The following SLC9A4 variants were observed in gnomAD, a reference collection of about 807,000 sequenced individuals.
SLC9A4 encodes the protein solute carrier family 9 member A4.
Under a neutral mutation model 67.4 loss-of-function variants are expected in SLC9A4, and 63 were observed. The ratio of observed to expected loss-of-function variants is 0.93; its 90% CI spans 0.76 to 1.15. The LOEUF (loss-of-function observed/expected upper bound fraction) is 1.15, where lower values mean the gene tolerates loss of function less well. SLC9A4 is among the 50% of genes most tolerant of loss of function. The pLI, the probability that SLC9A4 is intolerant of heterozygous loss-of-function variation, is 0.00. For synonymous variants in SLC9A4, 393 were observed against 367.2 expected, an observed-to-expected ratio of 1.07 and a Z score of -0.80; for missense variants, 1,089 against 987.7, an observed-to-expected ratio of 1.10 and a Z score of -1.38.
chr2:102,515,127 G>A (rs1257053808), intron 8 of SLC9A4, among the ~76,000 whole-genome samples: 1 of 151,960 alleles, frequency 6.6e-6, no homozygotes, highest in Non-Finnish European at 1.5e-5. Flanking sequence ...TTTAGGATAA[G>A]GAACATGGGC....
intron 6 of SLC9A4, among the ~76,000 whole-genome samples, chr2:102,509,680 A>T (rs1253976749): frequency 6.6e-6 from 1 of 152,206 alleles, no homozygotes; most frequent in East Asian, 1.9e-4. Context: ...CAATATCTCC[A>T]TCATCTAGAG....
At chr2:102,493,214 A>G (rs1684739406) in intron 2 of SLC9A4, among the ~76,000 whole-genome samples, 1 of 152,002 alleles carries the variant, frequency 6.6e-6, no homozygotes, top group African/African-American at 2.4e-5. Context: ...AAATTGTTCC[A>G]AATTCTGCCT....
At chr2:102,476,109 C>G (rs1194332956) in intron 1 of SLC9A4, among the ~76,000 whole-genome samples, 1 of 152,148 alleles carries the variant, frequency 6.6e-6, no homozygotes, top group Non-Finnish European at 1.5e-5. Flanking sequence ...GACAGAAAAA[C>G]ATCAAAACTC....
At chr2:102,520,050 C>T (rs760970404) in intron 9 of SLC9A4, 95 bp downstream of exon 9, 37 of 981,072 alleles carry the variant, frequency 3.8e-5, no homozygotes, top group Non-Finnish European at 5.3e-5. Context: ...CTGATGTTCA[C>T]GTCACCCTCT....
chr2:102,524,296 G>A (rs76757630), intron 9 of SLC9A4, among the ~76,000 whole-genome samples: 4,357 of 152,236 alleles, frequency 0.029, 140 homozygotes, highest in African/African-American at 0.074. Flanking sequence ...AGCATTTGCT[G>A]GTGGACCTTT....
At chr2:102,521,269 C>G (rs1017091700) in intron 9 of SLC9A4, among the ~76,000 whole-genome samples, 1 of 152,178 alleles carries the variant, frequency 6.6e-6, no homozygotes, top group African/African-American at 2.4e-5. Flanking sequence ...AACTGCTCAT[C>G]CTTTCTTTTC....
chr2:102,512,981 G>C (rs1303002628), intron 7 of SLC9A4, among the ~76,000 whole-genome samples: 2 of 49,350 alleles, frequency 4.1e-5, no homozygotes, highest in Admixed American at 1.8e-4. Flanking sequence ...GGAGGGCGCA[G>C]AGGGGAGGAC....
chr2:102,489,554 A>T (rs1052439357), intron 2 of SLC9A4, among the ~76,000 whole-genome samples: 1 of 152,196 alleles, frequency 6.6e-6, no homozygotes, highest in African/African-American at 2.4e-5. Flanking sequence ...CCTTAAAGAA[A>T]TGTCATTGCT....
Position 102,514,134 on chromosome 2 carries a change from G to A in SLC9A4, c.1604G>A (p.Arg535Lys), listed in dbSNP as rs761375825. ...DHRYLRKILI[R>K]KNLPKSSIVS... ...AGATACTTACGGAAAATCCTCATCA[G>A]AAAGAACCTACCCAAATCAAGCATT... The change falls in exon 8 of 12, where the codon AGA (arginine) becomes AAA (lysine). Residue 535 changes from arginine (R) to lysine (K), a missense_variant. By Grantham distance (26) the Arg-to-Lys change is conservative. Transcript: ENST00000295269. 1 of 1,613,802 alleles carries A rather than the reference G, an allele frequency of 6.2e-7. No homozygotes were observed. The highest frequency in any genetic ancestry group is 1.1e-5 in the South Asian group (1 of 90,982).
chr2:102,478,567 G>T (rs1684381306), intron 1 of SLC9A4, among the ~76,000 whole-genome samples: 3 of 152,090 alleles, frequency 2.0e-5, no homozygotes, highest in African/African-American at 4.8e-5. Context: ...ATGCACCCTC[G>T]CAGGTCCCTG....
chr2:102,503,352 G>T lies in SLC9A4; in HGVS notation c.721-96G>T, dbSNP rs563410007. ...TTTTTGTTGTGTAATTTATTTTTGT[G>T]TATTACTTAACTAGACACAAAGCTG... On this transcript the variant is annotated intron_variant, in intron 2 of 11. Transcript: ENST00000295269. 1.8e-4 allele frequency: 210 copies of T among 1,144,918 alleles called. 6 individuals carry two copies. The South Asian group carries it at 3.4e-3, about 19-fold the overall frequency. The allele number at this position is 1,144,918 out of a possible 1,614,324, so 70.9% of individuals were successfully genotyped here. A position where few individuals can be genotyped will look rare whatever the true frequency, so the allele number is the denominator to read the frequency against.
intron 9 of SLC9A4, among the ~76,000 whole-genome samples, chr2:102,521,718 C>T (rs1175639295): frequency 5.3e-5 from 8 of 152,202 alleles, no homozygotes. Context: ...AGACAATCTA[C>T]ATTTTTGAGG....
chr2:102,516,024 C>T (rs1573351521), intron 8 of SLC9A4, among the ~76,000 whole-genome samples: 2 of 152,274 alleles, frequency 1.3e-5, no homozygotes, highest in African/African-American at 4.8e-5. Context: ...CTTATGTGAG[C>T]CCTTGGTTTC....
intron 6 of SLC9A4, 40 bp from the exon 7 acceptor site, chr2:102,512,163 G>A (rs572535712): frequency 5.0e-6 from 8 of 1,610,900 alleles, no homozygotes; most frequent in Admixed American, 1.7e-5. Context: ...TTCAGAGTTC[G>A]CGTTTCTCCA....
At chr2:102,479,872 G>A (rs570990159) in intron 2 of SLC9A4, among the ~76,000 whole-genome samples, 2 of 152,264 alleles carry the variant, frequency 1.3e-5, no homozygotes, top group South Asian at 4.1e-4. Flanking sequence ...GAGCCTTTCT[G>A]GTGGGAAACT....
At chr2:102,486,019 AT>A (rs1293445145) in intron 2 of SLC9A4, among the ~76,000 whole-genome samples, 1 of 152,192 alleles carries the variant, frequency 6.6e-6, no homozygotes, top group African/African-American at 2.4e-5. Context: ...TGAACCATGT[AT>A]CCAGCCTATT....
intron 2 of SLC9A4, among the ~76,000 whole-genome samples, chr2:102,490,781 T>C (rs1684679645): frequency 6.6e-6 from 1 of 152,228 alleles, no homozygotes; most frequent in African/African-American, 2.4e-5. Context: ...ATGAACTTGA[T>C]TATGCTGTGT....
intron 9 of SLC9A4, among the ~76,000 whole-genome samples, chr2:102,523,460 G>A (rs777633637): frequency 7.9e-5 from 12 of 152,298 alleles, no homozygotes; most frequent in Admixed American, 3.3e-4. Flanking sequence ...TGACTTGACC[G>A]TCTCATGTAT....
intron 2 of SLC9A4, among the ~76,000 whole-genome samples, chr2:102,493,621 C>A (rs1334269980): frequency 6.6e-6 from 1 of 151,812 alleles, no homozygotes; most frequent in Non-Finnish European, 1.5e-5. Context: ...ATGGGAACTA[C>A]AATTCAAGAA....
Sources: gnomAD v4.1 joint callset for allele counts (sites outside exome capture counted in the v4.1 genomes callset) on GRCh38, gnomAD v4.1.1 for gene constraint, MANE v1.5 for transcripts, NCBI Gene and HGNC (gene_info 2026-07-23, HGNC 2026-07-21) for gene names.